The following ATP9A variants were observed in gnomAD, a reference collection of about 807,000 sequenced individuals.
The protein encoded by ATP9A is probable phospholipid-transporting ATPase IIA.
ATP9A carries 52 observed loss-of-function variants against 144.1 expected under a neutral mutation model. The ratio of observed to expected loss-of-function variants is 0.36; its 90% CI spans 0.29 to 0.45. The LOEUF (loss-of-function observed/expected upper bound fraction) is 0.45, where lower values mean the gene tolerates loss of function less well. Among genes scored for constraint, ATP9A ranks in the 20% least tolerant of loss-of-function variants. The pLI is 1.00. For synonymous variants in ATP9A, 582 were observed against 557.4 expected (o/e 1.04, Z -0.62); for missense variants, 947 against 1,392.7 (o/e 0.68, Z 5.09).
chr20:51,644,895 C>G (rs1194332491), intron 14 of ATP9A, among the ~76,000 whole-genome samples: 1 of 152,154 alleles, frequency 6.6e-6, no homozygotes, highest in Non-Finnish European at 1.5e-5. Flanking sequence ...AGGAGATACA[C>G]TAATTCCCCA....
chr20:51,717,914 A>G (rs1462136872), intron 3 of ATP9A, among the ~76,000 whole-genome samples: 2 of 151,774 alleles, frequency 1.3e-5, no homozygotes, highest in African/African-American at 4.8e-5. Context: ...AGATCACGCC[A>G]TTGCACTCCA....
At chr20:51,639,568 T>C (rs2426334) in intron 14 of ATP9A, 64 bp from the exon 15 acceptor site, 1,344,878 of 1,523,220 alleles carry the variant, frequency 0.88, 594,934 homozygotes, top group African/African-American at 0.97. Context: ...CAGGCTGTGC[T>C]ATGAACACAA....
At chr20:51,614,464 C>T (rs1345875445) in intron 22 of ATP9A, among the ~76,000 whole-genome samples, 1 of 152,102 alleles carries the variant, frequency 6.6e-6, no homozygotes, top group East Asian at 1.9e-4. Context: ...CCACACCTGA[C>T]TAATTTAGTT....
At chr20:51,727,633 T>C (rs1004936115) in intron 2 of ATP9A, among the ~76,000 whole-genome samples, 6 of 151,630 alleles carry the variant, frequency 4.0e-5, no homozygotes, top group Non-Finnish European at 5.9e-5. Context: ...TAAAAAATAA[T>C]TTTTAAAAAG....
intron 9 of ATP9A, among the ~76,000 whole-genome samples, chr20:51,685,073 C>T (rs6126296): frequency 0.8 from 120,630 of 151,134 alleles, 48,435 homozygotes; most frequent in African/African-American, 0.89. Context: ...AGGAAGATGT[C>T]TGCACAAATA....
At chr20:51,644,241 G>C (rs911679428) in intron 14 of ATP9A, among the ~76,000 whole-genome samples, 2 of 146,670 alleles carry the variant, frequency 1.4e-5, no homozygotes, top group African/African-American at 5.0e-5. Flanking sequence ...CACATGGAGA[G>C]AATTACTTCT....
At chr20:51,642,186 ACT>A (rs1205768111) in intron 14 of ATP9A, among the ~76,000 whole-genome samples, 1 of 151,070 alleles carries the variant, frequency 6.6e-6, no homozygotes, top group Non-Finnish European at 1.5e-5. Flanking sequence ...ATGGAGTCTC[ACT>A]CTGTCACCTA....
chr20:51,617,728 G>A (rs1457099696), intron 21 of ATP9A, among the ~76,000 whole-genome samples, 174 bp from the exon 22 acceptor site: 2 of 152,214 alleles, frequency 1.3e-5, no homozygotes, highest in Non-Finnish European at 2.9e-5. Context: ...TTCACAGGCA[G>A]AGTGGCTGAG....
Position 51,752,640 on chromosome 20 carries a change from A to G in ATP9A, c.68+15662T>C, listed in dbSNP as rs79133357. Among the ~76,000 whole-genome samples, 27 of 152,340 alleles carry G rather than the reference A, an allele frequency of 1.8e-4. No homozygotes were observed. In the East Asian group the frequency reaches 5.2e-3, roughly 29 times the overall value. On this transcript the variant is annotated intron_variant, in intron 1 of 27. Transcript: ENST00000338821. ...TCCAAAAACAAGGCCAAGATTCTTA[A>G]GCACTGGTTTTCTGTGGTATCACAC...
At chr20:51,718,372 GT>G (rs1223150475) in intron 3 of ATP9A, among the ~76,000 whole-genome samples, 98 of 140,224 alleles carry the variant, frequency 7.0e-4, no homozygotes, top group Middle Eastern at 7.4e-3. Flanking sequence ...CTATGTGTGT[GT>G]GGGGGGGGGT....
chr20:51,718,216 C>A (rs568223279), intron 3 of ATP9A, among the ~76,000 whole-genome samples: 1 of 152,218 alleles, frequency 6.6e-6, no homozygotes, highest in East Asian at 1.9e-4. Context: ...ATAAAACATG[C>A]ATCTGCAGAA....
Position 51,702,407 on chromosome 20 carries a change from T to C in ATP9A, c.437-4925A>G, listed in dbSNP as rs540279431. ...GTGTGTGTGTGTGTGTGTGTGTGCA[T>C]GTAATGAGAGAAAATACAAATAAAA... is the stretch of plus-strand genomic sequence containing the variant. On this transcript the variant is annotated intron_variant, in intron 4 of 27. Transcript: ENST00000338821. Among the ~76,000 whole-genome samples, 444 of 148,978 alleles carry C rather than the reference T, an allele frequency of 3.0e-3. 2 individuals carry two copies. Among genetic ancestry groups the C allele is most frequent in the African/African-American group, 0.011 (426 of 40,306 alleles).
At chr20:51,705,752 CTT>C (rs1380881184) in intron 4 of ATP9A, among the ~76,000 whole-genome samples, 1 of 152,174 alleles carries the variant, frequency 6.6e-6, no homozygotes, top group African/African-American at 2.4e-5. Flanking sequence ...CCCCATTAAA[CTT>C]TTGGTTTGGG....
chr20:51,700,604 G>A (rs1297201085), intron 4 of ATP9A, among the ~76,000 whole-genome samples: 2 of 152,208 alleles, frequency 1.3e-5, no homozygotes, highest in East Asian at 1.9e-4. Context: ...GCCGAGGCGG[G>A]CGGATCACCT....
intron 2 of ATP9A, among the ~76,000 whole-genome samples, chr20:51,727,429 T>C (rs1050859968): frequency 6.0e-5 from 9 of 150,922 alleles, no homozygotes; most frequent in African/African-American, 2.2e-4. Context: ...CTACAAAAAA[T>C]ACAAATATTA....
intron 27 of ATP9A, among the ~76,000 whole-genome samples, chr20:51,603,714 C>T (rs974648270): frequency 6.6e-6 from 1 of 152,112 alleles, no homozygotes; most frequent in Non-Finnish European, 1.5e-5. Flanking sequence ...TCTGCCACCA[C>T]CCCACATTAG....
At chr20:51,676,270 G>A in intron 9 of ATP9A, 62 bp from the exon 10 acceptor site, 3 of 1,300,244 alleles carry the variant, frequency 2.3e-6, no homozygotes, top group East Asian at 2.5e-5. Flanking sequence ...AGGCAGGCTT[G>A]CAAATAGAAG....
At chr20:51,758,997 C>A (rs1242219115) in intron 1 of ATP9A, among the ~76,000 whole-genome samples, 1 of 152,234 alleles carries the variant, frequency 6.6e-6, no homozygotes, top group Non-Finnish European at 1.5e-5. Context: ...CTCCATCCTT[C>A]AGAGTCCCTC....
Position 51,608,543 on chromosome 20 carries a change from G to T in ATP9A, c.2720C>A (p.Pro907His). 1.9e-6 allele frequency: 3 copies of T among 1,609,382 alleles called. No homozygotes were observed. The highest frequency in any genetic ancestry group is 2.6e-6 in the Non-Finnish European group (3 of 1,175,646). The change falls in exon 25 of 28, where the codon CCT becomes CAT. Residue 907 changes from proline (P) to histidine (H), a missense_variant. Physicochemically the swap from Pro to His is moderately conservative, Grantham distance 77. Transcript: ENST00000338821. ...DVKSEVAMLY[P>H]ELYKDLLKGR... ...CTTGAGAAGATCCTTGTAGAGCTCAGGATACAGCATGGCAACTTCCGATTT... is the reference window on the plus strand; with the variant it reads ...CTTGAGAAGATCCTTGTAGAGCTCATGATACAGCATGGCAACTTCCGATTT...
Sources: gnomAD v4.1 joint callset for allele counts (sites outside exome capture counted in the v4.1 genomes callset) on GRCh38, gnomAD v4.1.1 for gene constraint, MANE v1.5 for transcripts, NCBI Gene and HGNC (gene_info 2026-07-23, HGNC 2026-07-21) for gene names.